Variants in DPY19L3 observed in about 807,000 individuals in gnomAD.
DPY19L3 encodes the protein protein C-mannosyl-transferase DPY19L3.
Under a neutral mutation model 92.3 loss-of-function variants are expected in DPY19L3, and 51 were observed. The observed-to-expected ratio is 0.55, with a 90% confidence interval of 0.44 to 0.70. The LOEUF (loss-of-function observed/expected upper bound fraction) is 0.70. DPY19L3 is among the 30% of genes least tolerant of loss of function. The pLI is 0.00. For synonymous variants in DPY19L3, 309 were observed against 315.2 expected, an observed-to-expected ratio of 0.98 and a Z score of 0.21; for missense variants, 706 against 855.9, an observed-to-expected ratio of 0.82 and a Z score of 2.18.
At chr19:32,457,315 T>C (rs1969896832) in intron 10 of DPY19L3, among the ~76,000 whole-genome samples, 1 of 152,260 alleles carries the variant, frequency 6.6e-6, no homozygotes, top group African/African-American at 2.4e-5. Context: ...TTAAGATCTC[T>C]TCCGAGCAAC....
intron 8 of DPY19L3, among the ~76,000 whole-genome samples, chr19:32,450,305 C>T (rs553017196): frequency 1.3e-4 from 20 of 152,216 alleles, no homozygotes; most frequent in African/African-American, 4.1e-4. Flanking sequence ...GGTGTAGTCA[C>T]TTTGAAAAAC....
chr19:32,454,848 G>T (rs922105352), intron 9 of DPY19L3, 91 bp from the exon 10 acceptor site: 1 of 801,788 alleles, frequency 1.2e-6, no homozygotes, highest in Non-Finnish European at 2.0e-6. Flanking sequence ...ATATGAGCCA[G>T]TGTTTTTAAA....
At chr19:32,421,585 A>C (rs912216947) in intron 3 of DPY19L3, among the ~76,000 whole-genome samples, 1 of 148,890 alleles carries the variant, frequency 6.7e-6, no homozygotes, top group African/African-American at 2.5e-5. Context: ...TCGAGATTGC[A>C]CCACTGCACT....
chr19:32,483,627 A>C lies in DPY19L3; in HGVS notation c.*1387A>C, dbSNP rs1268648741. 1 of 152,346 alleles carries C rather than the reference A, an allele frequency of 6.6e-6. No individual in the cohort carries two copies. The highest frequency in any genetic ancestry group is 2.1e-4 in the South Asian group (1 of 4,834). The allele number at this position is 152,346 out of a possible 1,614,324, so 9.4% of individuals were successfully genotyped here. ...TATATTCAGTTGCTACTTATAAAGC[A>C]GCATTCAAAAAGTCTTTTACACTGT... On this transcript the variant is annotated 3_prime_UTR_variant, in exon 19 of 19. Transcript: ENST00000392250.
chr19:32,422,661 C>CACACAT lies in DPY19L3; in HGVS notation c.238-10055_238-10054insACACAT, dbSNP rs879279146. 4.6e-5 allele frequency among the ~76,000 whole-genome samples: 7 copies of CACACAT among 151,084 alleles called. No homozygotes were observed. In the South Asian group the frequency reaches 1.5e-3, roughly 31 times the overall value. On this transcript the variant is annotated intron_variant, in intron 3 of 18. Coordinates refer to ENST00000392250, the MANE Select transcript of DPY19L3 (RefSeq NM_001172774.2). ...ACACACACACACACACACACACACA[C>CACACAT]GTTTAAAGATGTAATTCAAGGAAAC...
chr19:32,480,684 T>G lies in DPY19L3; in HGVS notation c.1989+127T>G, dbSNP rs759646903. 2.1e-4 allele frequency: 267 copies of G among 1,284,652 alleles called. 3 individuals are homozygous for G. The highest frequency in any genetic ancestry group is 4.0e-4 in the Admixed American group (14 of 34,646). The allele number at this position is 1,284,652 out of a possible 1,614,324, so 79.6% of individuals were successfully genotyped here. On this transcript the variant is annotated intron_variant, in intron 18 of 18. Coordinates refer to ENST00000392250, the MANE Select transcript of DPY19L3 (RefSeq NM_001172774.2). The stretch of plus-strand genomic sequence containing the variant: ...ATTACGCTACGAATCAAGTATTTGC[T>G]TTTTCTCTTGCTTCCTACAGAAGCC...
chr19:32,432,576 T>C (rs916769056), intron 3 of DPY19L3, 140 bp from the exon 4 acceptor site: 2 of 631,644 alleles, frequency 3.2e-6, no homozygotes, highest in Non-Finnish European at 5.3e-6. Context: ...CCTTCCATTC[T>C]TGTTTGCCAA....
chr19:32,412,379 TA>T (rs1968216232), intron 3 of DPY19L3: 1 of 150,688 alleles, frequency 6.6e-6, no homozygotes, highest in Non-Finnish European at 1.5e-5. Flanking sequence ...ATTTTATATA[TA>T]TATATATATG....
chr19:32,447,879 T>G (rs1017934916), intron 8 of DPY19L3, among the ~76,000 whole-genome samples: 2 of 152,116 alleles, frequency 1.3e-5, no homozygotes, highest in Non-Finnish European at 2.9e-5. Flanking sequence ...TTTGAAAGAT[T>G]AGTAAAATTG....
At chr19:32,480,691 C>A in intron 18 of DPY19L3, 134 bp downstream of exon 18, 1 of 1,259,848 alleles carries the variant, frequency 7.9e-7, no homozygotes, top group Non-Finnish European at 1.1e-6. Flanking sequence ...TGCTTTTTCT[C>A]TTGCTTCCTA....
At chr19:32,480,302 G>A (rs986655216) in intron 17 of DPY19L3, 97 bp from the exon 18 acceptor site, 4 of 1,368,812 alleles carry the variant, frequency 2.9e-6, no homozygotes, top group Non-Finnish European at 3.9e-6. Flanking sequence ...TTGGGTGTTA[G>A]GTCTTAGACT....
intron 8 of DPY19L3, among the ~76,000 whole-genome samples, chr19:32,451,351 C>T (rs767022272): frequency 3.3e-5 from 5 of 152,064 alleles, no homozygotes; most frequent in Admixed American, 3.3e-4. Flanking sequence ...ACTCAAGAGC[C>T]CACCTATTGA....
At position 32,454,995 on chromosome 19, in the gene DPY19L3, A is replaced by G. The variant is rs757911075; in HGVS notation, c.1044A>G (p.Leu348=). The change falls in exon 10 of 19, where the codon TTA becomes TTG. Residue 348 remains leucine, a synonymous_variant. Coordinates refer to ENST00000392250, the MANE Select transcript of DPY19L3 (RefSeq NM_001172774.2). ...LNRLGKLLLH[L]FMVLCLTLFL... The stretch of plus-strand genomic sequence containing the variant: ...GGCTTGGGAAACTTTTGTTACATTT[A>G]TTTATGGTTTTATGTTTGACACTTT... 1.3e-6 allele frequency: 2 copies of G among 1,574,122 alleles called. No homozygotes were observed. The highest frequency in any genetic ancestry group is 4.6e-5 in the East Asian group (2 of 43,340).
intron 8 of DPY19L3, among the ~76,000 whole-genome samples, chr19:32,447,798 C>A (rs1438938336): frequency 1.0e-5 from 1 of 97,136 alleles, no homozygotes; most frequent in African/African-American, 5.3e-5. Context: ...TACTCCATCT[C>A]ATTCATAGAT....
At chr19:32,472,790 A>G (rs1167592289) in intron 16 of DPY19L3, among the ~76,000 whole-genome samples, 1 of 152,096 alleles carries the variant, frequency 6.6e-6, no homozygotes, top group African/African-American at 2.4e-5. Flanking sequence ...TAGCTACTTC[A>G]CTTTAGGAGA....
chr19:32,444,481 T>G (rs987724590), intron 8 of DPY19L3, among the ~76,000 whole-genome samples: 1 of 152,174 alleles, frequency 6.6e-6, no homozygotes, highest in Non-Finnish European at 1.5e-5. Flanking sequence ...ATGAAAAGTC[T>G]AACATTCAGG....
At chr19:32,445,075 C>CAAAAAAA (rs771623749) in intron 8 of DPY19L3, among the ~76,000 whole-genome samples, 5 of 54,578 alleles carry the variant, frequency 9.2e-5, no homozygotes, top group Non-Finnish European at 7.8e-5. Context: ...GACCCAGTCT[C>CAAAAAAA]AAAAAAAAAA....
At chr19:32,473,696 G>C (rs1281649355) in intron 16 of DPY19L3, among the ~76,000 whole-genome samples, 3 of 152,218 alleles carry the variant, frequency 2.0e-5, no homozygotes, top group Non-Finnish European at 4.4e-5. Context: ...ATATTTCCCA[G>C]GTTTACCACG....
At chr19:32,432,935 A>G (rs1210599027) in intron 4 of DPY19L3, 129 bp downstream of exon 4, 2 of 682,126 alleles carry the variant, frequency 2.9e-6, no homozygotes, top group African/African-American at 3.6e-5. Flanking sequence ...CTAATGTCTA[A>G]TCATTTCATG....
Sources: allele counts gnomAD v4.1 joint callset (sites outside exome capture counted in the v4.1 genomes callset), GRCh38; gene constraint gnomAD v4.1.1; transcripts MANE v1.5; gene names NCBI Gene and HGNC (gene_info 2026-07-23, HGNC 2026-07-21).